The following GFRA1 variants were observed in gnomAD, a reference collection of about 807,000 sequenced individuals.
The protein encoded by GFRA1 is GDNF family receptor alpha-1.
In GFRA1, 16 loss-of-function variants were observed where a neutral mutation model predicts 51.6. The observed-to-expected ratio is 0.31, with a 90% confidence interval of 0.21 to 0.47. The LOEUF is 0.47. Ranked by LOEUF, GFRA1 falls within the 20% of genes least tolerant of loss-of-function variation. The pLI, the probability that GFRA1 is intolerant of heterozygous loss-of-function variation, is 1.00. For synonymous variants in GFRA1, 270 were observed against 241.3 expected (o/e 1.12, Z -1.10); for missense variants, 530 against 594.3 (o/e 0.89, Z 1.13).
At chr10:116,256,544 T>G (rs1355215791) in intron 4 of GFRA1, among the ~76,000 whole-genome samples, 1 of 152,180 alleles carries the variant, frequency 6.6e-6, no homozygotes, top group African/African-American at 2.4e-5. Context: ...CAGTAGCTTC[T>G]TAGGAGCCAG....
intron 6 of GFRA1, among the ~76,000 whole-genome samples, chr10:116,102,317 C>T (rs1956847117): frequency 6.6e-6 from 1 of 152,216 alleles, no homozygotes; most frequent in Non-Finnish European, 1.5e-5. Flanking sequence ...GCCTTAGAGA[C>T]ATGACGGGTA....
intron 4 of GFRA1, among the ~76,000 whole-genome samples, chr10:116,259,620 G>A (rs1969149832): frequency 6.6e-6 from 1 of 152,176 alleles, no homozygotes; most frequent in South Asian, 2.1e-4. Flanking sequence ...GTCAAACAGT[G>A]TTTTAGGGTG....
chr10:116,269,404 T>A (rs1969917299), intron 4 of GFRA1, 99 bp downstream of exon 4: 1 of 772,274 alleles, frequency 1.3e-6, no homozygotes, highest in Admixed American at 1.8e-5. Flanking sequence ...ACTGTGCCAT[T>A]CAACTATCTA....
At chr10:116,215,952 T>G (rs958517269) in intron 4 of GFRA1, among the ~76,000 whole-genome samples, 1 of 152,118 alleles carries the variant, frequency 6.6e-6, no homozygotes, top group African/African-American at 2.4e-5. Context: ...AAGTTGGTGA[T>G]TCAGATGTGG....
At chr10:116,110,385 C>G (rs1227416519) in intron 6 of GFRA1, among the ~76,000 whole-genome samples, 1 of 152,110 alleles carries the variant, frequency 6.6e-6, no homozygotes, top group East Asian at 1.9e-4. Flanking sequence ...AAGAAACACG[C>G]CTGCAGGGCA....
chr10:116,236,473 AAATT>A (rs1966881835), intron 4 of GFRA1, among the ~76,000 whole-genome samples: 1 of 152,218 alleles, frequency 6.6e-6, no homozygotes, highest in Non-Finnish European at 1.5e-5. Flanking sequence ...AATAAGAACT[AAATT>A]AATATGGTCC....
chr10:116,255,530 C>G, intron 4 of GFRA1: 1 of 1,086,176 alleles, frequency 9.2e-7, no homozygotes, highest in Non-Finnish European at 1.2e-6. Flanking sequence ...ACTAGGTTTC[C>G]ACCATGTTCA....
At chr10:116,136,601 T>C (rs1216973889) in intron 5 of GFRA1, among the ~76,000 whole-genome samples, 1 of 152,204 alleles carries the variant, frequency 6.6e-6, no homozygotes, top group African/African-American at 2.4e-5. Context: ...AAAGGTATCC[T>C]TAAAATAATG....
At chr10:116,257,613 A>G (rs74158418) in intron 4 of GFRA1, among the ~76,000 whole-genome samples, 3,551 of 152,264 alleles carry the variant, frequency 0.023, 142 homozygotes, top group African/African-American at 0.082. Context: ...AGCAGGTCTT[A>G]TGTCCTTCTC....
chr10:116,201,392 A>G (rs767772490), intron 5 of GFRA1, among the ~76,000 whole-genome samples: 83 of 152,310 alleles, frequency 5.4e-4, no homozygotes, highest in Non-Finnish European at 9.0e-4. Flanking sequence ...CAAAGGCTCC[A>G]TAACTGGCTC....
At chr10:116,251,275 C>T (rs1032721917) in intron 4 of GFRA1, among the ~76,000 whole-genome samples, 7 of 152,136 alleles carry the variant, frequency 4.6e-5, no homozygotes, top group African/African-American at 1.4e-4. Context: ...GTTGATGGAC[C>T]GAAGGAAGAA....
intron 9 of GFRA1, among the ~76,000 whole-genome samples, chr10:116,067,533 G>C (rs72834524): frequency 6.6e-6 from 1 of 152,104 alleles, no homozygotes; most frequent in Non-Finnish European, 1.5e-5. Flanking sequence ...GGCTGGGAAG[G>C]CCTCCTTTCT....
In GFRA1 at chr10:116,125,316, C is replaced by T; in HGVS notation, c.675G>A (p.Arg225=). 6.2e-7 allele frequency: 1 copy of T among 1,614,234 alleles called. No individual in the cohort carries two copies. The highest frequency in any genetic ancestry group is 8.5e-7 in the Non-Finnish European group (1 of 1,180,038). ...AGCACACAGGCACGATGGTCTGTCG[C>T]CTCCGCTCTGTGCAGGCGATGTCCC... is the stretch of plus-strand genomic sequence containing the variant. ...SCRDIACTER[R]RQTIVPVCSY... is the part of the protein sequence containing the mutation. The change falls in exon 6 of 11, where the codon AGG becomes AGA. Residue 225 remains arginine, a synonymous_variant. Transcript: ENST00000355422.
chr10:116,171,324 T>C (rs1351014660), intron 5 of GFRA1, among the ~76,000 whole-genome samples: 1 of 152,210 alleles, frequency 6.6e-6, no homozygotes, highest in East Asian at 1.9e-4. Flanking sequence ...AGGATTCCAT[T>C]TTAAGCATTT....
chr10:116,147,024 TTGTGTG>T (rs55916204), intron 5 of GFRA1, among the ~76,000 whole-genome samples: 12 of 150,234 alleles, frequency 8.0e-5, no homozygotes, highest in African/African-American at 2.2e-4. Flanking sequence ...ATTTATTTAT[TTGTGTG>T]TGTGTGTGTG....
chr10:116,268,084 C>T (rs1969817144), intron 4 of GFRA1, among the ~76,000 whole-genome samples: 2 of 152,082 alleles, frequency 1.3e-5, no homozygotes, highest in African/African-American at 4.8e-5. Flanking sequence ...TATTCTGATT[C>T]AGTAGTTCAA....
At chr10:116,102,853 C>T (rs1487816947) in intron 6 of GFRA1, among the ~76,000 whole-genome samples, 2 of 152,180 alleles carry the variant, frequency 1.3e-5, no homozygotes, top group African/African-American at 4.8e-5. Flanking sequence ...TCAGGAGAAA[C>T]CCAGAACTTT....
At chr10:116,205,596 GATATAT>G (rs140642664) in intron 5 of GFRA1, among the ~76,000 whole-genome samples, 3,091 of 140,492 alleles carry the variant, frequency 0.022, 71 homozygotes, top group African/African-American at 0.061. Context: ...AAAAAAAAAA[GATATAT>G]ATATATATAT....
intron 5 of GFRA1, among the ~76,000 whole-genome samples, chr10:116,157,743 G>C (rs1016545234): frequency 6.6e-6 from 1 of 152,130 alleles, no homozygotes; most frequent in Admixed American, 6.5e-5. Flanking sequence ...TGTGAAACTG[G>C]GAGTTCCTTG....
Sources: gnomAD v4.1 joint callset for allele counts (sites outside exome capture counted in the v4.1 genomes callset) on GRCh38, gnomAD v4.1.1 for gene constraint, MANE v1.5 for transcripts, NCBI Gene and HGNC (gene_info 2026-07-23, HGNC 2026-07-21) for gene names.